The following RASGRF1 variants were observed in gnomAD, a reference collection of about 807,000 sequenced individuals.
RASGRF1 encodes the protein ras-specific guanine nucleotide-releasing factor 1.
A neutral mutation model predicts 138.7 loss-of-function variants in RASGRF1; 40 were observed. The observed-to-expected ratio is 0.29, with a 90% CI of 0.22 to 0.38. RASGRF1 has a LOEUF of 0.38. Ranked by LOEUF, RASGRF1 falls within the 10% of genes least tolerant of loss-of-function variation. The probability of loss-of-function intolerance (pLI) is 1.00; values close to 1 mark genes in which losing one functional copy is unlikely to be tolerated. For synonymous variants in RASGRF1, 614 were observed against 663.2 expected (o/e 0.93, Z 1.14); for missense variants, 1,108 against 1,650.4 (o/e 0.67, Z 5.69).
chr15:79,078,383 A>G (rs1312296050), intron 1 of RASGRF1, among the ~76,000 whole-genome samples: 2 of 152,092 alleles, frequency 1.3e-5, no homozygotes, highest in East Asian at 3.9e-4. Flanking sequence ...ATGCTCACCA[A>G]CGCTGGTTCC....
intron 11 of RASGRF1, among the ~76,000 whole-genome samples, chr15:79,019,711 C>G (rs2056931267): frequency 6.6e-6 from 1 of 152,230 alleles, no homozygotes; most frequent in East Asian, 1.9e-4. Context: ...GACCCCAAAA[C>G]CTAACAGTGC....
intron 24 of RASGRF1, among the ~76,000 whole-genome samples, chr15:78,975,252 CAA>C: frequency 1.3e-5 from 2 of 152,060 alleles, no homozygotes; most frequent in Middle Eastern, 6.8e-3. Flanking sequence ...ATAAAAATAA[CAA>C]GTGAAAAAGA....
chr15:79,071,484 C>T (rs1382962344), intron 1 of RASGRF1, among the ~76,000 whole-genome samples: 12 of 151,832 alleles, frequency 7.9e-5, no homozygotes, highest in African/African-American at 2.9e-4. Context: ...CTCAGCCTCC[C>T]GAATTGCTGG....
chr15:79,006,415 A>C lies in RASGRF1; in HGVS notation c.1846T>G (p.Cys616Gly). Reference protein sequence around the residue: ...QMIKSDASLYCDDVDIRFSKT... With the variant: ...QMIKSDASLYGDDVDIRFSKT... ...CTGAAGCGAATGTCAACATCATCAC[A>C]ATATAAGGAGGCGTCGGACCTGAGA... The change falls in exon 14 of 27, where the codon TGT becomes GGT. Residue 616 changes from cysteine (C) to glycine (G), a missense_variant. Physicochemically the swap from Cys to Gly is radical, Grantham distance 159. Coordinates refer to ENST00000558480, the MANE Select transcript of RASGRF1 (RefSeq NM_001145648.3). This position sits in a 1 kb window ranked among gnomAD's most constrained non-coding sequence, Gnocchi z 4.0. 6.2e-7 allele frequency: 1 copy of C among 1,613,112 alleles called. No individual in the cohort carries two copies. The highest frequency in any genetic ancestry group is 8.5e-7 in the Non-Finnish European group (1 of 1,179,496).
Position 79,046,929 on chromosome 15 carries a change from G to C in RASGRF1, c.695C>G (p.Ser232Ter), listed in dbSNP as rs753009913. ...WKTIIQDYIR[S>*]PHADSMRKRN... ...CTTGCGCATGCTGTCAGCATGGGGT[G>C]ACCGGATGTAGTCCTGGATGATGGT... The change falls in exon 5 of 27, where the codon TCA becomes TGA. Residue 232 changes from serine to a stop codon, truncating the protein, a stop_gained. Transcript: ENST00000558480. LOFTEE classifies it high-confidence loss of function. This position sits in a 1 kb window ranked among gnomAD's most constrained non-coding sequence, Gnocchi z 5.3. 6.2e-7 allele frequency: 1 copy of C among 1,614,094 alleles called. No homozygotes were observed. The highest frequency in any genetic ancestry group is 8.5e-7 in the Non-Finnish European group (1 of 1,180,024).
intron 1 of RASGRF1, among the ~76,000 whole-genome samples, chr15:79,071,306 G>A (rs1247431313): frequency 6.6e-6 from 1 of 151,598 alleles, no homozygotes; most frequent in Non-Finnish European, 1.5e-5. Context: ...TTTCCTCTCT[G>A]TTCTTTCCAT....
At chr15:78,998,675 C>T (rs191214395) in intron 18 of RASGRF1, 44 bp downstream of exon 18, 2 of 1,510,860 alleles carry the variant, frequency 1.3e-6, no homozygotes, top group Admixed American at 3.3e-5. Flanking sequence ...GGGGCCATTG[C>T]CTGGTGGTCC....
At chr15:78,970,643 A>G (rs2040130464) in intron 26 of RASGRF1, among the ~76,000 whole-genome samples, 1 of 149,176 alleles carries the variant, frequency 6.7e-6, no homozygotes, top group African/African-American at 2.5e-5. Flanking sequence ...AAAAAAAAAA[A>G]AAGAAAAAGA....
chr15:79,081,717 G>A (rs181796965), intron 1 of RASGRF1, among the ~76,000 whole-genome samples: 3 of 152,230 alleles, frequency 2.0e-5, no homozygotes, highest in Admixed American at 1.3e-4. Context: ...CTGTCCCCTC[G>A]CTGTATGGCA....
intron 26 of RASGRF1, among the ~76,000 whole-genome samples, chr15:78,966,018 C>T (rs2055636504): frequency 6.6e-6 from 1 of 152,010 alleles, no homozygotes; most frequent in South Asian, 2.1e-4. Flanking sequence ...GAGGGAGGAG[C>T]CCCAGAGATG....
At chr15:79,012,568 T>A in intron 13 of RASGRF1, 1 of 1,613,056 alleles carries the variant, frequency 6.2e-7, no homozygotes, top group Non-Finnish European at 8.5e-7. Context: ...AGCAGATGGG[T>A]CCTTGAAGTT....
At chr15:79,087,761 C>T (rs1306295601) in intron 1 of RASGRF1, among the ~76,000 whole-genome samples, 1 of 152,264 alleles carries the variant, frequency 6.6e-6, no homozygotes, top group Admixed American at 6.5e-5. Context: ...AATTTTTGTA[C>T]ACATGTGTAG....
intron 24 of RASGRF1, chr15:78,978,991 G>A: frequency 1.5e-6 from 2 of 1,291,802 alleles, no homozygotes; most frequent in Non-Finnish European, 2.0e-6. Context: ...CAGAATGGGG[G>A]GCCCCAGAGG....
intron 22 of RASGRF1, among the ~76,000 whole-genome samples, chr15:78,986,351 CT>C (rs111273337): frequency 1.8e-3 from 263 of 144,302 alleles, no homozygotes; most frequent in East Asian, 2.0e-3. Context: ...TTCTAAGACT[CT>C]TTTTTTTTTT....
intron 16 of RASGRF1, among the ~76,000 whole-genome samples, chr15:79,000,356 G>C (rs987787784): frequency 6.6e-6 from 1 of 152,182 alleles, no homozygotes; most frequent in Non-Finnish European, 1.5e-5. Context: ...GGCACAGTGG[G>C]ATGGAGAGAG....
rs2141024573 is a variant in RASGRF1 at position 79,046,625 on chromosome 15, T to C, written c.878+121A>G. 6.7e-7 allele frequency: 1 copy of C among 1,491,386 alleles called. No individual in the cohort carries two copies. The highest frequency in any genetic ancestry group is 1.3e-5 in the South Asian group (1 of 78,616). 92.4% of individuals were successfully genotyped at this position (1,491,386 alleles called of 1,614,324 possible). ...CTAGCCACGTGATCTTGGGCACTTC[T>C]GTCCTCTCTGGGCCTCATCTGCACT... On this transcript the variant is annotated intron_variant, in intron 5 of 26. Transcript: ENST00000558480. This position sits in a 1 kb window ranked among gnomAD's most constrained non-coding sequence, Gnocchi z 5.3.
intron 1 of RASGRF1, among the ~76,000 whole-genome samples, chr15:79,071,339 C>A (rs2057752140): frequency 6.6e-6 from 1 of 151,828 alleles, no homozygotes; most frequent in African/African-American, 2.4e-5. Context: ...CCTTTGCATT[C>A]TCTGAAGCTT....
intron 8 of RASGRF1, among the ~76,000 whole-genome samples, chr15:79,030,800 T>A (rs1193009971): frequency 1.3e-5 from 2 of 152,250 alleles, no homozygotes; most frequent in African/African-American, 4.8e-5. Context: ...AACCTCTTCC[T>A]GGATGACCAC....
chr15:79,027,824 A>G lies in RASGRF1; in HGVS notation c.1298T>C (p.Ile433Thr). The stretch of plus-strand genomic sequence containing the variant: ...GCGCTCGATGGCCAGGTTTTTCCGG[A>G]TGTTCTCCGTCTCACTTACTTCATC... ...MHDEVSETEN[I>T]RKNLAIERMI... The change falls in exon 9 of 27, where the codon ATC (isoleucine) becomes ACC (threonine). Residue 433 changes from isoleucine (I) to threonine (T), a missense_variant. This residue lies in a region of RASGRF1 where 169 missense variants were observed against 344.2 expected (regional missense o/e 0.49). Transcript: ENST00000558480. The surrounding 1 kb of genome is among the most constrained non-coding windows in gnomAD (Gnocchi z 4.8). 1.2e-6 allele frequency: 2 copies of G among 1,614,206 alleles called. No individual in the cohort carries two copies. Among genetic ancestry groups the G allele is most frequent in the Non-Finnish European group, 1.7e-6 (2 of 1,180,046 alleles).
Sources: gnomAD v4.1 joint callset for allele counts (sites outside exome capture counted in the v4.1 genomes callset) on GRCh38, gnomAD v4.1.1 for gene constraint, gnomAD v4.1.1 regional missense constraint, Gnocchi (gnomAD v3.1) non-coding constraint, MANE v1.5 for transcripts, NCBI Gene and HGNC (gene_info 2026-07-23, HGNC 2026-07-21) for gene names.